Variants in COP1 observed in about 807,000 individuals in gnomAD.
COP1 encodes the protein E3 ubiquitin-protein ligase COP1.
In COP1, 24 loss-of-function variants were observed where a neutral mutation model predicts 101.3. That is an observed-to-expected ratio of 0.24 (90% confidence interval 0.17 to 0.33). COP1 has a LOEUF of 0.33. COP1 is among the 10% of genes least tolerant of loss of function. The pLI, the probability that COP1 is intolerant of heterozygous loss-of-function variation, is 1.00. For synonymous variants in COP1, 347 were observed against 341.9 expected (o/e 1.01, Z -0.17); for missense variants, 663 against 906.2 (o/e 0.73, Z 3.45).
chr1:176,067,431 T>C (rs936503823), intron 11 of COP1, among the ~76,000 whole-genome samples: 13 of 152,154 alleles, frequency 8.5e-5, no homozygotes, highest in African/African-American at 2.7e-4. Context: ...ACACAGCAAC[T>C]GGATGTGCAG....
intron 7 of COP1, among the ~76,000 whole-genome samples, chr1:176,135,363 G>A (rs919948845): frequency 6.6e-6 from 1 of 151,934 alleles, no homozygotes; most frequent in African/African-American, 2.4e-5. Context: ...TGCAAAAAAA[G>A]ATAAATGTAA....
At chr1:176,133,323 T>A (rs1162366181) in intron 8 of COP1, among the ~76,000 whole-genome samples, 1 of 151,824 alleles carries the variant, frequency 6.6e-6, no homozygotes, top group African/African-American at 2.4e-5. Context: ...CCCAGCACCA[T>A]TACTGAATAT....
In COP1 at chr1:176,199,124, C is replaced by T. The variant is rs192760234; in HGVS notation, c.407+7448G>A. ...TGAGGTCCAGGGATCGAGACCAACC[C>T]GGCCAACACAGTGAAACCCCATCTC... On this transcript the variant is annotated intron_variant, in intron 1 of 19. Coordinates refer to ENST00000367669, the MANE Select transcript of COP1 (RefSeq NM_022457.7). Among the ~76,000 whole-genome samples, 743 of 152,032 alleles carry T rather than the reference C, an allele frequency of 4.9e-3. 2 individuals are homozygous for T. The highest frequency in any genetic ancestry group is 0.01 in the Middle Eastern group (3 of 292).
At chr1:176,027,822 C>A in intron 14 of COP1, 134 bp from the exon 15 acceptor site, 1 of 617,556 alleles carries the variant, frequency 1.6e-6, no homozygotes, top group Non-Finnish European at 2.9e-6. Context: ...TTTACTAGGA[C>A]TAAAAGTGTT....
intron 19 of COP1, among the ~76,000 whole-genome samples, chr1:175,946,827 T>C (rs1649229956): frequency 1.3e-5 from 2 of 152,254 alleles, no homozygotes; most frequent in Admixed American, 6.5e-5. Context: ...AAGCATCTTC[T>C]GCTATATCTT....
At chr1:176,161,711 G>C (rs1694355988) in intron 5 of COP1, among the ~76,000 whole-genome samples, 5 of 152,148 alleles carry the variant, frequency 3.3e-5, no homozygotes, top group Non-Finnish European at 5.9e-5. Context: ...CTTGTCCACA[G>C]ACCTTAACAC....
At chr1:176,100,508 C>T (rs1683223076) in intron 9 of COP1, 1 of 151,876 alleles carries the variant, frequency 6.6e-6, no homozygotes, top group Admixed American at 6.6e-5. Context: ...ACATTTTAGA[C>T]TAACCCTGCT....
chr1:176,005,085 G>T (rs1178063844), intron 15 of COP1, among the ~76,000 whole-genome samples: 1 of 152,152 alleles, frequency 6.6e-6, no homozygotes, highest in Non-Finnish European at 1.5e-5. Flanking sequence ...TCTTGGGAGG[G>T]TGTATGTGTC....
chr1:175,994,791 T>C (rs1176139020), intron 15 of COP1, among the ~76,000 whole-genome samples: 2 of 152,190 alleles, frequency 1.3e-5, no homozygotes, highest in African/African-American at 4.8e-5. Context: ...CACACAATAA[T>C]AATGGGAGAC....
rs748376806 is a variant in COP1 at position 176,081,235 on chromosome 1, C to T, written c.1194G>A (p.Lys398=). ...QLDEFQECLS[K]FTRYNSVRPL... ...GTCGTACTGAATTATATCGAGTAAA[C>T]TTGGACAAGCATTCCTGAAATTCAT... is the stretch of plus-strand genomic sequence containing the variant. Residue 398 remains lysine, a synonymous_variant, in exon 11 of 20, where the codon AAG becomes AAA. Transcript: ENST00000367669. The T allele has an allele frequency of 8.1e-6, 13 of 1,607,318 alleles. No individual in the cohort carries two copies. In the East Asian group the frequency reaches 2.7e-4, roughly 33 times the overall value.
chr1:176,059,732 C>T (rs1419823796), intron 11 of COP1, among the ~76,000 whole-genome samples: 1 of 152,132 alleles, frequency 6.6e-6, no homozygotes, highest in Non-Finnish European at 1.5e-5. Context: ...CCACCTGCCT[C>T]AGCCTCCCAA....
At chr1:176,018,284 T>G (rs533421055) in intron 15 of COP1, 13 of 152,342 alleles carry the variant, frequency 8.5e-5, no homozygotes, top group African/African-American at 3.1e-4. Flanking sequence ...ACCACAATTG[T>G]CAGTAATTTA....
intron 18 of COP1, among the ~76,000 whole-genome samples, chr1:175,966,308 CACACACAA>C (rs1237154280): frequency 3.6e-5 from 5 of 137,140 alleles, no homozygotes; most frequent in Non-Finnish European, 8.2e-5. Context: ...CACACACACA[CACACACAA>C]ACACTTAAAA....
intron 16 of COP1, 55 bp downstream of exon 16, chr1:175,989,307 T>C (rs1381645944): frequency 1.2e-6 from 1 of 843,174 alleles, no homozygotes; most frequent in Non-Finnish European, 2.0e-6. Context: ...TACAAGCTGG[T>C]AGGTAAGTAC....
chr1:175,953,888 C>T (rs1650276989), intron 18 of COP1, among the ~76,000 whole-genome samples: 1 of 151,466 alleles, frequency 6.6e-6, no homozygotes, highest in Admixed American at 6.6e-5. Flanking sequence ...AATTCAAAGA[C>T]TAAGTAGAGA....
At chr1:176,143,455 A>G (rs1275823392) in intron 6 of COP1, among the ~76,000 whole-genome samples, 2 of 152,198 alleles carry the variant, frequency 1.3e-5, no homozygotes, top group African/African-American at 4.8e-5. Context: ...AGACTACACA[A>G]AATTATTCCA....
chr1:176,020,707 G>C (rs1210592002), intron 15 of COP1, among the ~76,000 whole-genome samples: 2 of 152,132 alleles, frequency 1.3e-5, no homozygotes, highest in Non-Finnish European at 2.9e-5. Context: ...TATATTGTGG[G>C]CTTTATCACT....
intron 15 of COP1, among the ~76,000 whole-genome samples, chr1:176,016,343 G>T (rs950073095): frequency 6.6e-6 from 1 of 152,202 alleles, no homozygotes; most frequent in Admixed American, 6.5e-5. Flanking sequence ...ACCAGAGGGT[G>T]TTGTTTTAGA....
At chr1:176,172,216 A>AT (rs1696180794) in intron 3 of COP1, among the ~76,000 whole-genome samples, 1 of 152,110 alleles carries the variant, frequency 6.6e-6, no homozygotes, top group Admixed American at 6.5e-5. Flanking sequence ...CGCCTGGCTA[A>AT]TTTTTTATAG....
Sources: allele counts gnomAD v4.1 joint callset (sites outside exome capture counted in the v4.1 genomes callset), GRCh38; gene constraint gnomAD v4.1.1; transcripts MANE v1.5; gene names NCBI Gene and HGNC (gene_info 2026-07-23, HGNC 2026-07-21).